PHYKPL: variants seen among roughly 807,000 people sequenced by gnomAD.
PHYKPL encodes 5-phosphohydroxy-L-lysine phospho-lyase.
PHYKPL carries 42 observed loss-of-function variants against 51.3 expected under a neutral mutation model. The observed-to-expected ratio is 0.82, with a 90% CI of 0.64 to 1.06. The LOEUF (loss-of-function observed/expected upper bound fraction) is 1.06. PHYKPL is among the 50% of genes least tolerant of loss of function. The pLI is 0.00. For missense variants in PHYKPL, 655 were observed against 586.6 expected, an observed-to-expected ratio of 1.12 and a Z score of -1.20; for synonymous variants, 264 against 236.0, an observed-to-expected ratio of 1.12 and a Z score of -1.09.
intron 2 of PHYKPL, 41 bp downstream of exon 2, chr5:178,231,364 C>T (rs1179849116): frequency 6.2e-7 from 1 of 1,613,796 alleles, no homozygotes; most frequent in African/African-American, 1.3e-5. Flanking sequence ...CACAGCACTG[C>T]CTTCCTCTCC....
At chr5:178,212,614 T>G (rs1386014625) in intron 11 of PHYKPL, among the ~76,000 whole-genome samples, 1 of 152,216 alleles carries the variant, frequency 6.6e-6, no homozygotes, top group Non-Finnish European at 1.5e-5. Flanking sequence ...AGAATGAAAC[T>G]CCTGCCATCT....
chr5:178,213,848 C>T (rs530456381), intron 10 of PHYKPL, among the ~76,000 whole-genome samples: 12 of 152,360 alleles, frequency 7.9e-5, no homozygotes, highest in East Asian at 3.9e-4. Context: ...TGGAGTTAGA[C>T]GGCCCTGGGG....
In PHYKPL at chr5:178,225,410, C is replaced by T. The variant is rs752447040; in HGVS notation, c.358G>A (p.Ala120Thr). Residue 120 changes from alanine (A) to threonine (T), a missense_variant, in exon 4 of 13, where the codon GCC becomes ACC. Physicochemically the swap from Ala to Thr is moderately conservative, Grantham distance 58. Transcript: ENST00000308158. The part of the protein sequence containing the change: ...LNSGSEANDL[A>T]LRLARHYTGH... Reference sequence around the variant, plus strand: ...GTGTAGTGGCGAGCCAGCCTCAGGGCCAGGTCATTGGCTTCTGACCTATGA... The same window carrying T: ...GTGTAGTGGCGAGCCAGCCTCAGGGTCAGGTCATTGGCTTCTGACCTATGA... The T allele has an allele frequency of 4.3e-6, 7 of 1,614,032 alleles. No individual in the cohort carries two copies. The highest frequency in any genetic ancestry group is 5.9e-6 in the Non-Finnish European group (7 of 1,180,042).
rs748934514 is a variant in PHYKPL at position 178,224,480 on chromosome 5, C to T, written c.586G>A (p.Val196Met). The T allele has an allele frequency of 1.9e-6, 3 of 1,605,868 alleles. No homozygotes were observed. Among genetic ancestry groups the T allele is most frequent in the Non-Finnish European group, 2.6e-6 (3 of 1,175,434 alleles). Residue 196 changes from valine (V) to methionine (M), a missense_variant, in exon 6 of 13, where the codon GTG becomes ATG. Val to Met is a conservative substitution (Grantham distance 21, BLOSUM62 1). Coordinates refer to ENST00000308158, the MANE Select transcript of PHYKPL (RefSeq NM_153373.4). ...CCCTTCTCCTGTGCACTGCTGACCA[C>T]ACGTTTCACCTCGTTGGCATAGGCC... Reference protein sequence around the residue: ...AMAYANEVKRVVSSAQEKGRK... With the variant: ...AMAYANEVKRMVSSAQEKGRK...
intron 3 of PHYKPL, chr5:178,228,375 G>A (rs1464989813): frequency 1.7e-6 from 1 of 603,752 alleles, no homozygotes; most frequent in East Asian, 2.8e-5. Context: ...AATTACTGCT[G>A]GGACAGAGTA....
At chr5:178,209,267 G>A in intron 12 of PHYKPL, 6 of 1,269,610 alleles carry the variant, frequency 4.7e-6, no homozygotes, top group Non-Finnish European at 6.9e-6. Flanking sequence ...CAGTGAAGGT[G>A]TTTGGGCAGT....
At chr5:178,218,007 G>A (rs1201704883) in intron 8 of PHYKPL, among the ~76,000 whole-genome samples, 1 of 149,204 alleles carries the variant, frequency 6.7e-6, no homozygotes, top group Non-Finnish European at 1.5e-5. Context: ...CACGAGGTCA[G>A]GAGATCGAGA....
intron 10 of PHYKPL, among the ~76,000 whole-genome samples, chr5:178,214,187 G>A (rs1372822298): frequency 1.3e-5 from 2 of 152,176 alleles, no homozygotes; most frequent in African/African-American, 4.8e-5. Flanking sequence ...GTGGGCGTGG[G>A]GGAAGGGGTA....
intron 12 of PHYKPL, chr5:178,210,686 A>G (rs778261912): frequency 2.3e-6 from 3 of 1,283,818 alleles, no homozygotes; most frequent in Non-Finnish European, 3.4e-6. Flanking sequence ...AGTGAACACA[A>G]TTATGTACCA....
chr5:178,224,488 A>C lies in PHYKPL; in HGVS notation c.578T>G (p.Val193Gly), dbSNP rs1271431053. ...CTGTGCACTGCTGACCACACGTTTC[A>C]CCTCGTTGGCATAGGCCATAGCTGG... ...PNPAMAYANE[V>G]KRVVSSAQEK... is the part of the protein sequence containing the mutation. The change falls in exon 6 of 13, where the codon GTG (valine) becomes GGG (glycine). Residue 193 changes from valine (V) to glycine (G), a missense_variant. Transcript: ENST00000308158. The C allele has an allele frequency of 1.2e-6, 2 of 1,609,406 alleles. No individual in the cohort carries two copies. Among genetic ancestry groups the C allele is most frequent in the South Asian group, 2.2e-5 (2 of 90,386 alleles).
chr5:178,209,687 G>C (rs1757584221), intron 12 of PHYKPL, among the ~76,000 whole-genome samples: 1 of 152,104 alleles, frequency 6.6e-6, no homozygotes, highest in Admixed American at 6.5e-5. Context: ...TTACACTCTG[G>C]GGGAGGGGAT....
At chr5:178,232,428 C>CGTGCGTGCGTGCGTGCGTA in intron 1 of PHYKPL, 64 bp downstream of exon 1, 1 of 1,367,546 alleles carries the variant, frequency 7.3e-7, no homozygotes, top group East Asian at 3.2e-5. Flanking sequence ...GTGCGTGCGT[C>CGTGCGTGCGTGCGTGCGTA]GTGCGTGCGC....
intron 12 of PHYKPL, chr5:178,209,519 C>T: frequency 3.8e-6 from 5 of 1,328,586 alleles, no homozygotes; most frequent in South Asian, 1.2e-5. Flanking sequence ...TGTCTTGGGG[C>T]TCCCTCTGGT....
At chr5:178,213,640 T>C (rs1025493931) in intron 10 of PHYKPL, among the ~76,000 whole-genome samples, 2 of 152,258 alleles carry the variant, frequency 1.3e-5, no homozygotes, top group African/African-American at 4.8e-5. Context: ...TCACTTTTAG[T>C]CCACAGTCTA....
intron 12 of PHYKPL, chr5:178,209,468 G>A: frequency 3.1e-6 from 5 of 1,598,434 alleles, no homozygotes; most frequent in Non-Finnish European, 4.3e-6. Flanking sequence ...CGTGGATGAA[G>A]ATAGGTCCTG....
chr5:178,225,389 A>C lies in PHYKPL; in HGVS notation c.379T>G (p.Tyr127Asp). 1.2e-6 allele frequency: 2 copies of C among 1,613,942 alleles called. No individual in the cohort carries two copies. The highest frequency in any genetic ancestry group is 1.7e-6 in the Non-Finnish European group (2 of 1,180,022). Residue 127 changes from tyrosine to aspartate, a missense_variant, in exon 4 of 13, where the codon TAC becomes GAC. By Grantham distance (160) the Tyr-to-Asp change is radical (BLOSUM62 -3). Transcript: ENST00000308158. ...NDLALRLARH[Y>D]TGHQDVVVLD... ...ACCACCACGTCCTGGTGTCCCGTGT[A>C]GTGGCGAGCCAGCCTCAGGGCCAGG...
rs769827464 is a variant in PHYKPL at position 178,212,966 on chromosome 5, A to G, written c.1303+7T>C. The stretch of plus-strand genomic sequence containing the variant: ...GAGATATGGCCAAGCTCAGGCTTCA[A>G]GCTCACCAGTCAGAATGGCATCCAG... On this transcript the variant is annotated splice_region_variant and intron_variant, in intron 11 of 12. Coordinates refer to ENST00000308158, the MANE Select transcript of PHYKPL (RefSeq NM_153373.4). 1.3e-5 allele frequency: 21 copies of G among 1,613,906 alleles called. No homozygotes were observed. Among genetic ancestry groups the G allele is most frequent in the Non-Finnish European group, 1.7e-5 (20 of 1,179,870 alleles).
chr5:178,210,741 TA>T, intron 12 of PHYKPL: 1 of 769,136 alleles, frequency 1.3e-6, no homozygotes, highest in East Asian at 2.7e-5. Context: ...ATGTGCATCT[TA>T]TTTAAAATTT....
At chr5:178,218,024 T>C (rs1162824089) in intron 8 of PHYKPL, among the ~76,000 whole-genome samples, 5 of 146,176 alleles carry the variant, frequency 3.4e-5, no homozygotes, top group Admixed American at 1.4e-4. Context: ...GAGACCATCC[T>C]GGCTAACACG....
Sources: allele counts gnomAD v4.1 joint callset (sites outside exome capture counted in the v4.1 genomes callset), GRCh38; gene constraint gnomAD v4.1.1; transcripts MANE v1.5; gene names NCBI Gene and HGNC (gene_info 2026-07-23, HGNC 2026-07-21).